The following GPC5 variants were observed in gnomAD, a reference collection of about 807,000 sequenced individuals.
The protein encoded by GPC5 is glypican 5.
In GPC5, 47 loss-of-function variants were observed where a neutral mutation model predicts 53.9. That is an observed-to-expected ratio of 0.87 (90% CI 0.69 to 1.11). GPC5 has a LOEUF of 1.11. Among genes scored for constraint, GPC5 ranks in the 50% most tolerant of loss-of-function variants. The pLI is 0.00. For missense variants in GPC5, 748 were observed against 713.1 expected, an observed-to-expected ratio of 1.05 and a Z score of -0.56; for synonymous variants, 286 against 263.3, an observed-to-expected ratio of 1.09 and a Z score of -0.84.
At chr13:92,546,590 G>A (rs1288194768) in intron 7 of GPC5, among the ~76,000 whole-genome samples, 1 of 152,142 alleles carries the variant, frequency 6.6e-6, no homozygotes, top group East Asian at 1.9e-4. Flanking sequence ...TGGGCATACT[G>A]TCCAAGGTAA....
intron 2 of GPC5, among the ~76,000 whole-genome samples, chr13:91,528,473 T>C (rs1886188303): frequency 6.6e-6 from 1 of 152,196 alleles, no homozygotes; most frequent in Non-Finnish European, 1.5e-5. Context: ...TGGACTTCAT[T>C]GTCCATGTCG....
chr13:92,602,237 T>TATATATATATATATATATATAAC (rs1884095680), intron 7 of GPC5, among the ~76,000 whole-genome samples: 1 of 81,708 alleles, frequency 1.2e-5, no homozygotes, highest in Non-Finnish European at 2.5e-5. Context: ...ATATAACATA[T>TATATATATATATATATATATAAC]ATATATATAT....
At chr13:92,059,024 T>C (rs1286543062) in intron 6 of GPC5, among the ~76,000 whole-genome samples, 3 of 152,228 alleles carry the variant, frequency 2.0e-5, no homozygotes, top group Non-Finnish European at 4.4e-5. Flanking sequence ...TACCTTGCTC[T>C]GTTCTCATAA....
chr13:92,444,715 T>TA (rs71910602), intron 7 of GPC5, among the ~76,000 whole-genome samples: 3,621 of 84,120 alleles, frequency 0.043, 98 homozygotes, highest in Non-Finnish European at 0.061. Context: ...TCCTGAAATC[T>TA]AAAAAAAAAA....
chr13:92,141,317 G>A (rs1360060094), intron 6 of GPC5, among the ~76,000 whole-genome samples: 2 of 152,110 alleles, frequency 1.3e-5, no homozygotes, highest in African/African-American at 4.8e-5. Flanking sequence ...GTAGTACTGG[G>A]GACTGAGAAT....
chr13:91,662,139 C>T (rs1431378658), intron 2 of GPC5, among the ~76,000 whole-genome samples: 1 of 152,010 alleles, frequency 6.6e-6, no homozygotes, highest in African/African-American at 2.4e-5. Context: ...GGCAGGAGCC[C>T]TGGGACCTTT....
At chr13:92,538,128 ACT>A (rs1005394092) in intron 7 of GPC5, among the ~76,000 whole-genome samples, 1 of 152,086 alleles carries the variant, frequency 6.6e-6, no homozygotes, top group African/African-American at 2.4e-5. Context: ...GACCAGGCTA[ACT>A]CACCAAATAA....
intron 7 of GPC5, among the ~76,000 whole-genome samples, chr13:92,709,079 C>T (rs1170325165): frequency 1.3e-5 from 2 of 150,660 alleles, no homozygotes; most frequent in Admixed American, 1.3e-4. Context: ...CAGTGTTTCG[C>T]TCTTGTTGCC....
At chr13:91,706,087 G>A (rs928994455) in intron 3 of GPC5, among the ~76,000 whole-genome samples, 3 of 151,700 alleles carry the variant, frequency 2.0e-5, no homozygotes, top group African/African-American at 4.8e-5. Flanking sequence ...CACCATGTTG[G>A]CCAGGATGGT....
At chr13:92,110,488 C>A (rs148912102) in intron 6 of GPC5, among the ~76,000 whole-genome samples, 3 of 151,866 alleles carry the variant, frequency 2.0e-5, no homozygotes, top group Non-Finnish European at 4.4e-5. Flanking sequence ...GCAGCTATTT[C>A]CTTTCCACTA....
chr13:92,434,582 GA>G (rs1191594948), intron 7 of GPC5, among the ~76,000 whole-genome samples: 6 of 152,140 alleles, frequency 3.9e-5, no homozygotes, highest in African/African-American at 1.4e-4. Context: ...GTGATATCAG[GA>G]AATAATGGTG....
intron 1 of GPC5, among the ~76,000 whole-genome samples, chr13:91,433,545 G>T (rs1390918645): frequency 6.6e-6 from 1 of 151,994 alleles, no homozygotes; most frequent in East Asian, 1.9e-4. Context: ...ATTTTTTATG[G>T]CTGCATAGTA....
intron 7 of GPC5, among the ~76,000 whole-genome samples, chr13:92,482,415 A>G (rs921930521): frequency 1.2e-4 from 19 of 152,268 alleles, no homozygotes; most frequent in African/African-American, 4.1e-4. Context: ...TAAAAAATTA[A>G]CTTGTCCATT....
chr13:91,716,612 GC>G (rs1331463045), intron 3 of GPC5, among the ~76,000 whole-genome samples: 1 of 151,862 alleles, frequency 6.6e-6, no homozygotes, highest in Non-Finnish European at 1.5e-5. Context: ...CAAATATTCT[GC>G]ATAATAAGCA....
chr13:91,509,021 C>G (rs1885094789), intron 2 of GPC5, among the ~76,000 whole-genome samples: 1 of 152,066 alleles, frequency 6.6e-6, no homozygotes, highest in Non-Finnish European at 1.5e-5. Context: ...CATAGACAGT[C>G]TGGTAAAATG....
At chr13:91,520,809 A>G (rs1414010221) in intron 2 of GPC5, among the ~76,000 whole-genome samples, 2 of 152,002 alleles carry the variant, frequency 1.3e-5, no homozygotes, top group East Asian at 1.9e-4. Context: ...TTTTTAAACA[A>G]CAATAAGATC....
chr13:92,743,058 G>A (rs542291534), intron 7 of GPC5, among the ~76,000 whole-genome samples: 43 of 151,782 alleles, frequency 2.8e-4, no homozygotes, highest in African/African-American at 8.0e-4. Context: ...TTGACTTGGC[G>A]ATGCAGGCTC....
At chr13:91,733,211 A>G (rs1216276154) in intron 4 of GPC5, among the ~76,000 whole-genome samples, 2 of 152,118 alleles carry the variant, frequency 1.3e-5, no homozygotes, top group African/African-American at 2.4e-5. Context: ...GTCTCGGCTC[A>G]CTGCAACCTC....
intron 5 of GPC5, among the ~76,000 whole-genome samples, chr13:91,885,119 C>T (rs2039308440): frequency 6.6e-6 from 1 of 152,102 alleles, no homozygotes; most frequent in Non-Finnish European, 1.5e-5. Context: ...TTTCCTAATG[C>T]TTGAAACATT....
Sources: allele counts gnomAD v4.1 joint callset (sites outside exome capture counted in the v4.1 genomes callset), GRCh38; gene constraint gnomAD v4.1.1; transcripts MANE v1.5; gene names NCBI Gene and HGNC (gene_info 2026-07-23, HGNC 2026-07-21).